Variants in DOCK3 observed in about 807,000 individuals in gnomAD.
The protein encoded by DOCK3 is dedicator of cytokinesis 3, also known as dedicator of cytokinesis protein 3.
DOCK3 carries 60 observed loss-of-function variants against 265.6 expected under a neutral mutation model. The observed-to-expected ratio is 0.23, with a 90% CI of 0.18 to 0.28. The LOEUF is 0.28. DOCK3 is among the 10% of genes least tolerant of loss of function. DOCK3 has a pLI of 1.00. For missense variants in DOCK3, 1,981 were observed against 2,594.3 expected (o/e 0.76, Z 5.14); for synonymous variants, 881 against 938.0 (o/e 0.94, Z 1.11).
At chr3:51,043,928 A>T (rs997886190) in intron 5 of DOCK3, among the ~76,000 whole-genome samples, 1 of 152,174 alleles carries the variant, frequency 6.6e-6, no homozygotes, top group Non-Finnish European at 1.5e-5. Flanking sequence ...AAAAAATAAC[A>T]GATGCTGGCA....
At chr3:50,907,052 G>C (rs954509983) in intron 4 of DOCK3, among the ~76,000 whole-genome samples, 4 of 152,092 alleles carry the variant, frequency 2.6e-5, no homozygotes, top group African/African-American at 9.7e-5. Context: ...CAGTTTCCAT[G>C]TAGTTGAGTG....
intron 4 of DOCK3, among the ~76,000 whole-genome samples, chr3:50,905,194 G>A (rs1259642471): frequency 6.6e-6 from 1 of 152,096 alleles, no homozygotes; most frequent in Non-Finnish European, 1.5e-5. Flanking sequence ...GTCAGGTAGT[G>A]TGATGCCTCC....
chr3:50,871,756 A>G (rs2047443131), intron 3 of DOCK3, among the ~76,000 whole-genome samples: 1 of 152,118 alleles, frequency 6.6e-6, no homozygotes, highest in South Asian at 2.1e-4. Flanking sequence ...CCTGTCTTAA[A>G]GCTCACTAAT....
At chr3:51,125,008 G>A (rs986109696) in intron 9 of DOCK3, among the ~76,000 whole-genome samples, 29 of 151,374 alleles carry the variant, frequency 1.9e-4, no homozygotes, top group Admixed American at 6.6e-4. Flanking sequence ...ATTTGGTGGC[G>A]TGTTCCTGTA....
intron 13 of DOCK3, among the ~76,000 whole-genome samples, chr3:51,211,488 G>C (rs925989397): frequency 6.6e-6 from 1 of 151,894 alleles, no homozygotes; most frequent in Non-Finnish European, 1.5e-5. Flanking sequence ...ATTTACATTA[G>C]GTATATCTCC....
Position 51,035,407 on chromosome 3 carries a change from T to C in DOCK3, c.316-29041T>C, listed in dbSNP as rs368465891. Among the ~76,000 whole-genome samples, 7 of 152,296 alleles carry C rather than the reference T, an allele frequency of 4.6e-5. 2 individuals are homozygous for C. Among genetic ancestry groups the C allele is most frequent in the African/African-American group, 1.7e-4 (7 of 41,588 alleles). On this transcript the variant is annotated intron_variant, in intron 5 of 52. Transcript: ENST00000266037. Reference sequence around the variant, plus strand: ...TAAATTTCTCATACTGTGTTTCTGTTCTAAAATTTCCAAATAATTCTTTTT... The same window carrying C: ...TAAATTTCTCATACTGTGTTTCTGTCCTAAAATTTCCAAATAATTCTTTTT...
chr3:50,889,308 T>C (rs2048524567), intron 3 of DOCK3, among the ~76,000 whole-genome samples: 1 of 151,780 alleles, frequency 6.6e-6, no homozygotes, highest in African/African-American at 2.4e-5. Context: ...AGTCATGGAG[T>C]CCTGGCCTCT....
intron 5 of DOCK3, among the ~76,000 whole-genome samples, chr3:50,939,400 A>C (rs2051572846): frequency 6.6e-6 from 1 of 152,136 alleles, no homozygotes; most frequent in South Asian, 2.1e-4. Flanking sequence ...TATTACCTTG[A>C]TATCAAAATT....
intron 18 of DOCK3, 98 bp downstream of exon 18, chr3:51,228,930 T>C (rs1169664730): frequency 4.4e-6 from 6 of 1,378,304 alleles, no homozygotes; most frequent in African/African-American, 1.5e-5. Flanking sequence ...TTATTCCTTC[T>C]TGATGCCATA....
chr3:51,309,112 G>T (rs529091634), intron 27 of DOCK3, among the ~76,000 whole-genome samples: 2 of 151,922 alleles, frequency 1.3e-5, no homozygotes, highest in South Asian at 4.2e-4. Flanking sequence ...GCGCAGCCAG[G>T]CAGAGGGGCT....
At chr3:50,788,115 G>T in intron 2 of DOCK3, 1 of 762,664 alleles carries the variant, frequency 1.3e-6, no homozygotes, top group South Asian at 1.8e-5. Flanking sequence ...ACAGAATAAG[G>T]ACTTCCTGGT....
chr3:51,245,345 A>G (rs2108554455), intron 21 of DOCK3, among the ~76,000 whole-genome samples: 1 of 152,212 alleles, frequency 6.6e-6, no homozygotes, highest in African/African-American at 2.4e-5. Context: ...TCAAAGAAAA[A>G]AATAAATAAG....
chr3:51,103,898 A>C (rs190580617), intron 9 of DOCK3, among the ~76,000 whole-genome samples: 1 of 152,224 alleles, frequency 6.6e-6, no homozygotes, highest in Non-Finnish European at 1.5e-5. Context: ...CTAGACAGCA[A>C]TATTTCTACC....
At chr3:51,309,090 A>C (rs540161480) in intron 27 of DOCK3, among the ~76,000 whole-genome samples, 2 of 148,592 alleles carry the variant, frequency 1.3e-5, no homozygotes, top group Non-Finnish European at 3.0e-5. Context: ...GACGCTCCTC[A>C]CTTTCCAGAC....
In DOCK3 at chr3:51,310,105, CAG is replaced by C. The variant is rs773862833; in HGVS notation, c.2923-121_2923-120del. 3 of 733,134 alleles carry C rather than the reference CAG, an allele frequency of 4.1e-6. No individual in the cohort carries two copies. In the East Asian group the frequency reaches 8.1e-5, roughly 20 times the overall value. The allele number at this position is 733,134 out of a possible 1,614,324, so 45.4% of individuals were successfully genotyped here. ...AGCCCTCTAAGAGAGAAACAACTCA[CAG>C]AGAGAACCAGATCTAACTCACTGGT... On this transcript the variant is annotated intron_variant, in intron 27 of 52. Transcript: ENST00000266037.
intron 22 of DOCK3, among the ~76,000 whole-genome samples, chr3:51,256,055 G>C (rs1013304382): frequency 2.0e-5 from 3 of 152,076 alleles, no homozygotes; most frequent in African/African-American, 7.2e-5. Flanking sequence ...TTTTGGTGTG[G>C]ATGTCCTTTC....
At chr3:51,349,923 G>A (rs2085862156) in intron 39 of DOCK3, among the ~76,000 whole-genome samples, 1 of 152,160 alleles carries the variant, frequency 6.6e-6, no homozygotes, top group African/African-American at 2.4e-5. Flanking sequence ...AGTGAGTATT[G>A]GTCAAAACCA....
At chr3:50,795,629 C>T (rs902678231) in intron 2 of DOCK3, among the ~76,000 whole-genome samples, 2 of 152,078 alleles carry the variant, frequency 1.3e-5, no homozygotes, top group African/African-American at 2.4e-5. Context: ...ATCTGCCTGC[C>T]TTGGCCTCTG....
At chr3:50,966,063 A>G (rs2077021854) in intron 5 of DOCK3, among the ~76,000 whole-genome samples, 1 of 151,140 alleles carries the variant, frequency 6.6e-6, no homozygotes, top group Non-Finnish European at 1.5e-5. Context: ...TATAAGTGAG[A>G]TAATACAGAT....
Sources: gnomAD v4.1 joint callset for allele counts (sites outside exome capture counted in the v4.1 genomes callset) on GRCh38, gnomAD v4.1.1 for gene constraint, MANE v1.5 for transcripts, NCBI Gene and HGNC (gene_info 2026-07-23, HGNC 2026-07-21) for gene names.